The following RAB38 variants were observed in gnomAD, a reference collection of about 807,000 sequenced individuals.
The protein encoded by RAB38 is ras-related protein Rab-38.
In RAB38, 15 loss-of-function variants were observed where a neutral mutation model predicts 18.4. The observed-to-expected ratio is 0.82, with a 90% CI of 0.55 to 1.26. The LOEUF (loss-of-function observed/expected upper bound fraction) is 1.26. Among genes scored for constraint, RAB38 ranks in the 50% most tolerant of loss-of-function variants. The pLI, the probability that RAB38 is intolerant of heterozygous loss-of-function variation, is 0.00. For missense variants in RAB38, 294 were observed against 267.4 expected (o/e 1.10, Z -0.69); for synonymous variants, 101 against 104.4 (o/e 0.97, Z 0.20).
At chr11:88,150,813 G>A (rs935731980) in intron 1 of RAB38, among the ~76,000 whole-genome samples, 4 of 152,076 alleles carry the variant, frequency 2.6e-5, no homozygotes, top group Non-Finnish European at 5.9e-5. Flanking sequence ...TAAATTATAG[G>A]CTTGTACTCT....
chr11:88,032,635 A>G, the RAB38 span, among the ~76,000 whole-genome samples: 9 of 152,358 alleles, frequency 5.9e-5, no homozygotes, highest in Non-Finnish European at 1.0e-4. Flanking sequence ...AACGCTCGCC[A>G]TCACTGGCCA....
intron 1 of RAB38, among the ~76,000 whole-genome samples, chr11:88,159,335 G>C (rs1246870138): frequency 6.7e-6 from 1 of 149,564 alleles, no homozygotes; most frequent in Admixed American, 6.7e-5. Context: ...AATCATAGAT[G>C]ATATAAACAA....
At chr11:87,840,858 AT>A in the RAB38 span, among the ~76,000 whole-genome samples, 15 of 152,060 alleles carry the variant, frequency 9.9e-5, no homozygotes, top group African/African-American at 2.2e-4. Flanking sequence ...ACACTTTATT[AT>A]TTTTTTAACC....
chr11:88,097,261 G>T, the RAB38 span, among the ~76,000 whole-genome samples: 1 of 151,842 alleles, frequency 6.6e-6, no homozygotes, highest in African/African-American at 2.4e-5. Context: ...CAGATGCAAA[G>T]CTTGGGCAAA....
chr11:88,066,788 C>T, the RAB38 span, among the ~76,000 whole-genome samples: 1 of 152,120 alleles, frequency 6.6e-6, no homozygotes, highest in Non-Finnish European at 1.5e-5. Flanking sequence ...AATTTCTCAT[C>T]GAGGTATAGT....
chr11:87,868,612 A>AGAGAGAGAGAGAGAAG, the RAB38 span, among the ~76,000 whole-genome samples: 1 of 144,716 alleles, frequency 6.9e-6, no homozygotes, highest in African/African-American at 2.6e-5. Context: ...AGAGAGAGAG[A>AGAGAGAGAGAGAGAAG]GAGAGAGAGA....
chr11:88,032,029 G>C, the RAB38 span, among the ~76,000 whole-genome samples: 4 of 150,824 alleles, frequency 2.7e-5, no homozygotes, highest in African/African-American at 7.3e-5. Context: ...TACCAAAACA[G>C]AGATATAGAT....
chr11:87,863,810 A>C, the RAB38 span, among the ~76,000 whole-genome samples: 1 of 151,678 alleles, frequency 6.6e-6, no homozygotes, highest in Non-Finnish European at 1.5e-5. Context: ...CACTGACTTC[A>C]CTCGCCTAAA....
the RAB38 span, among the ~76,000 whole-genome samples, chr11:87,888,472 A>C: frequency 6.6e-6 from 1 of 152,088 alleles, no homozygotes; most frequent in South Asian, 2.1e-4. Flanking sequence ...TAAGATCTGG[A>C]ACATTCATAC....
chr11:88,082,686 T>G, the RAB38 span, among the ~76,000 whole-genome samples: 6 of 152,020 alleles, frequency 3.9e-5, no homozygotes, highest in African/African-American at 1.4e-4. Flanking sequence ...ATCTTTAACA[T>G]TTATTCAGTC....
the RAB38 span, among the ~76,000 whole-genome samples, chr11:88,055,591 T>C: frequency 6.6e-6 from 1 of 152,114 alleles, no homozygotes; most frequent in African/African-American, 2.4e-5. Context: ...ATGAAAGAGG[T>C]ACTGTGATAG....
chr11:88,144,136 T>C (rs1158229976), intron 2 of RAB38, among the ~76,000 whole-genome samples: 1 of 152,196 alleles, frequency 6.6e-6, no homozygotes, highest in African/African-American at 2.4e-5. Context: ...ACAGCCATCA[T>C]TTCCTGTATA....
At chr11:87,977,882 T>G in the RAB38 span, among the ~76,000 whole-genome samples, 1 of 112,662 alleles carries the variant, frequency 8.9e-6, no homozygotes, top group Non-Finnish European at 1.7e-5. Flanking sequence ...TATATAAAGA[T>G]GTAGTCATAG....
chr11:87,943,534 T>C, the RAB38 span, among the ~76,000 whole-genome samples: 1 of 152,120 alleles, frequency 6.6e-6, no homozygotes, highest in Non-Finnish European at 1.5e-5. Flanking sequence ...TGATAGAAAA[T>C]AAGGTCTCAT....
At chr11:87,944,581 A>C in the RAB38 span, among the ~76,000 whole-genome samples, 2 of 152,076 alleles carry the variant, frequency 1.3e-5, no homozygotes, top group African/African-American at 4.8e-5. Flanking sequence ...GTTCACAGCA[A>C]ATGTGTGGTC....
At chr11:87,847,313 T>C in the RAB38 span, among the ~76,000 whole-genome samples, 1 of 152,100 alleles carries the variant, frequency 6.6e-6, no homozygotes, top group Non-Finnish European at 1.5e-5. Flanking sequence ...GCTTAATGTG[T>C]AGGATTTGTT....
At chr11:88,151,185 A>G (rs1943059850) in intron 1 of RAB38, among the ~76,000 whole-genome samples, 1 of 152,230 alleles carries the variant, frequency 6.6e-6, no homozygotes, top group African/African-American at 2.4e-5. Flanking sequence ...GGCAATAATA[A>G]TATGTACTGC....
the RAB38 span, among the ~76,000 whole-genome samples, chr11:88,031,114 C>G: frequency 6.6e-6 from 1 of 151,598 alleles, no homozygotes; most frequent in Non-Finnish European, 1.5e-5. Context: ...ATAAACAGAA[C>G]CAAAGACAAA....
chr11:87,964,284 A>G, the RAB38 span, among the ~76,000 whole-genome samples: 1 of 152,082 alleles, frequency 6.6e-6, no homozygotes, highest in Non-Finnish European at 1.5e-5. Flanking sequence ...TAGCCTGGCT[A>G]ACCAAGAAGG....
Sources: gnomAD v4.1 joint callset for allele counts (sites outside exome capture counted in the v4.1 genomes callset) on GRCh38, gnomAD v4.1.1 for gene constraint, MANE v1.5 for transcripts, NCBI Gene and HGNC (gene_info 2026-07-23, HGNC 2026-07-21) for gene names.